TMEM74: variants seen among roughly 807,000 people sequenced by gnomAD.
TMEM74 encodes the protein transmembrane protein 74.
In TMEM74, 13 loss-of-function variants were observed where a neutral mutation model predicts 18.1. The ratio of observed to expected loss-of-function variants is 0.72; its 90% confidence interval spans 0.47 to 1.14. The LOEUF is 1.14. Ranked by LOEUF, TMEM74 falls within the 50% of genes most tolerant of loss-of-function variation. The pLI is 0.00. For missense variants in TMEM74, 372 were observed against 375.9 expected (o/e 0.99, Z 0.09); for synonymous variants, 159 against 146.6 (o/e 1.08, Z -0.61).
chr8:108,685,911 A>C (rs2935804), intron 1 of TMEM74, among the ~76,000 whole-genome samples: 109,725 of 151,858 alleles, frequency 0.72, 40,149 homozygotes, highest in East Asian at 0.99. Flanking sequence ...GAATAAGCAG[A>C]AGAATGTGTA....
downstream of TMEM74, among the ~76,000 whole-genome samples, chr8:108,776,935 A>C (rs192476594): frequency 6.6e-6 from 1 of 152,316 alleles, no homozygotes; most frequent in African/African-American, 2.4e-5. Context: ...TCAGCCGATA[A>C]TCAACATGAA....
chr8:108,624,477 G>A (rs1325185472), intron 2 of TMEM74, among the ~76,000 whole-genome samples: 1 of 152,070 alleles, frequency 6.6e-6, no homozygotes, highest in Non-Finnish European at 1.5e-5. Context: ...TCAAGAGAAA[G>A]TGATTACTTC....
intron 1 of TMEM74, among the ~76,000 whole-genome samples, chr8:108,697,939 T>C (rs1274085432): frequency 6.6e-6 from 1 of 152,200 alleles, no homozygotes; most frequent in Non-Finnish European, 1.5e-5. Context: ...TTCTTCAATC[T>C]TTCTCAAGAT....
In TMEM74 at chr8:108,699,145, TTTCCTTCCTTCC is replaced by T. The variant is rs150848011; in HGVS notation, n.120-43720_120-43709del. Among the ~76,000 whole-genome samples the T allele has an allele frequency of 3.9e-3, 267 of 68,746 alleles. 5 individuals are homozygous for T. The East Asian group carries it at 0.057, about 15-fold the overall frequency. The allele number at this position is 68,746 out of a possible 152,430, so 45.1% of individuals were successfully genotyped here. The stretch of plus-strand genomic sequence containing the variant: ...TTGTACCCTTCCCTCCCCTCCCTCT[TTTCCTTCCTTCC>T]TTCCTTCCTTCCTTCCTTCCTTCCT... On this transcript the variant is annotated intron_variant and non_coding_transcript_variant, in intron 1 of 3. Transcript: ENST00000518838.
intron 2 of TMEM74, among the ~76,000 whole-genome samples, chr8:108,634,252 C>CA (rs1489124408): frequency 1.3e-5 from 2 of 151,860 alleles, no homozygotes; most frequent in East Asian, 1.9e-4. Flanking sequence ...CCTCCATCCC[C>CA]AAAAAATGGC....
chr8:108,687,969 A>G (rs570087517), intron 1 of TMEM74, among the ~76,000 whole-genome samples: 2 of 152,330 alleles, frequency 1.3e-5, no homozygotes, highest in African/African-American at 4.8e-5. Flanking sequence ...GGAAAAACAA[A>G]TAACCTAATA....
At chr8:108,663,649 T>C (rs750596233) in intron 1 of TMEM74, among the ~76,000 whole-genome samples, 4 of 152,102 alleles carry the variant, frequency 2.6e-5, no homozygotes, top group Non-Finnish European at 5.9e-5. Context: ...ATTATAAAGA[T>C]ACATGCACGC....
rs1170525845 is a variant in TMEM74, at chr8:108,654,658, A to G, written n.264+635T>C. 2.6e-5 allele frequency among the ~76,000 whole-genome samples: 4 copies of G among 152,218 alleles called. No homozygotes were observed. In the East Asian group the frequency reaches 7.7e-4, roughly 29 times the overall value. ...GAAAGAGGAAAAGGCAATGGGAAGA[A>G]TTTTTCAAAAATAAAAATTGCATTC... is the stretch of plus-strand genomic sequence containing the variant. On this transcript the variant is annotated intron_variant and non_coding_transcript_variant, in intron 2 of 3. Coordinates refer to the TMEM74 transcript ENST00000518838.
downstream of TMEM74, among the ~76,000 whole-genome samples, chr8:108,775,602 G>A (rs1379330138): frequency 2.0e-5 from 3 of 152,056 alleles, no homozygotes; most frequent in African/African-American, 2.4e-5. Flanking sequence ...TCAGCTCAAC[G>A]ATGCTCTTTT....
chr8:108,633,964 A>C (rs868071326), intron 2 of TMEM74, among the ~76,000 whole-genome samples: 1 of 152,054 alleles, frequency 6.6e-6, no homozygotes. Context: ...ATTACTTTGC[A>C]GAAATCTTGA....
intron 1 of TMEM74, among the ~76,000 whole-genome samples, chr8:108,748,703 G>GT (rs1813875906): frequency 6.7e-6 from 1 of 148,220 alleles, no homozygotes; most frequent in South Asian, 2.1e-4. Context: ...TTTTTAATAG[G>GT]TTTTTTCTTT....
At chr8:108,685,727 C>A (rs1813161002) in intron 1 of TMEM74, among the ~76,000 whole-genome samples, 1 of 151,948 alleles carries the variant, frequency 6.6e-6, no homozygotes, top group Non-Finnish European at 1.5e-5. Flanking sequence ...TTACTATTTG[C>A]ATACAATAGA....
At chr8:108,727,313 A>G (rs530101997) in intron 1 of TMEM74, among the ~76,000 whole-genome samples, 3 of 152,184 alleles carry the variant, frequency 2.0e-5, no homozygotes, top group Non-Finnish European at 4.4e-5. Flanking sequence ...GAAAACAGGA[A>G]TCCACTAGGG....
intron 1 of TMEM74, among the ~76,000 whole-genome samples, chr8:108,772,265 G>T (rs751163195): frequency 2.1e-4 from 32 of 151,990 alleles, no homozygotes; most frequent in African/African-American, 5.8e-4. Flanking sequence ...TCTTCCTGGG[G>T]TTATTTTCCT....
At chr8:108,647,215 C>G (rs987206934) in intron 2 of TMEM74, among the ~76,000 whole-genome samples, 1 of 152,002 alleles carries the variant, frequency 6.6e-6, no homozygotes, top group Admixed American at 6.6e-5. Flanking sequence ...TGGAAACATC[C>G]CAAAATACCT....
chr8:108,708,790 A>G (rs185773586), intron 1 of TMEM74, among the ~76,000 whole-genome samples: 3 of 130,840 alleles, frequency 2.3e-5, no homozygotes, highest in African/African-American at 3.1e-5. Context: ...ATACACATGA[A>G]ACTTCTACAA....
At chr8:108,657,855 AAAAAATATAT>A (rs1396670409) in intron 1 of TMEM74, among the ~76,000 whole-genome samples, 2 of 60,132 alleles carry the variant, frequency 3.3e-5, no homozygotes, top group African/African-American at 1.6e-4. Flanking sequence ...AAAAAAAAAA[AAAAAATATAT>A]ATATATATAT....
chr8:108,718,248 G>T (rs3019356), intron 1 of TMEM74, among the ~76,000 whole-genome samples: 1 of 147,798 alleles, frequency 6.8e-6, no homozygotes, highest in Non-Finnish European at 1.5e-5. Flanking sequence ...GTGAGCCACC[G>T]CGCCCGGCCC....
At chr8:108,735,910 C>T (rs1563538597) in intron 1 of TMEM74, among the ~76,000 whole-genome samples, 1 of 152,106 alleles carries the variant, frequency 6.6e-6, no homozygotes, top group Non-Finnish European at 1.5e-5. Flanking sequence ...TCTCTTCTAA[C>T]TTTATTTTCT....
Sources: gnomAD v4.1 joint callset for allele counts (sites outside exome capture counted in the v4.1 genomes callset) on GRCh38, gnomAD v4.1.1 for gene constraint, MANE v1.5 for transcripts, NCBI Gene and HGNC (gene_info 2026-07-23, HGNC 2026-07-21) for gene names.